Variants in FBXL17 observed in about 807,000 individuals in gnomAD.
FBXL17 encodes the protein F-box and leucine rich repeat protein 17.
FBXL17 carries 22 observed loss-of-function variants against 66.2 expected under a neutral mutation model. The ratio of observed to expected loss-of-function variants is 0.33; its 90% CI spans 0.24 to 0.47. FBXL17 has a LOEUF of 0.47. Among genes scored for constraint, FBXL17 ranks in the 20% least tolerant of loss-of-function variants. The pLI is 1.00. For synonymous variants in FBXL17, 474 were observed against 400.5 expected (o/e 1.18, Z -2.19); for missense variants, 878 against 948.2 (o/e 0.93, Z 0.97).
intron 7 of FBXL17, among the ~76,000 whole-genome samples, chr5:107,893,677 G>A (rs915848446): frequency 1.3e-5 from 2 of 152,064 alleles, no homozygotes; most frequent in Non-Finnish European, 2.9e-5. Context: ...ATGTCACCAA[G>A]TGATTTTGAT....
chr5:108,272,631 G>A (rs1757322622), intron 4 of FBXL17, among the ~76,000 whole-genome samples: 2 of 152,020 alleles, frequency 1.3e-5, no homozygotes, highest in Non-Finnish European at 2.9e-5. Flanking sequence ...TGGGATTACA[G>A]GCATAAGCTA....
At chr5:108,026,757 C>T (rs1177722413) in intron 6 of FBXL17, among the ~76,000 whole-genome samples, 5 of 152,312 alleles carry the variant, frequency 3.3e-5, no homozygotes, top group Middle Eastern at 3.4e-3. Flanking sequence ...TAAGCTCTTG[C>T]TACTTAAACA....
intron 7 of FBXL17, among the ~76,000 whole-genome samples, chr5:108,013,824 C>G (rs1462266739): frequency 1.3e-5 from 2 of 152,222 alleles, no homozygotes; most frequent in East Asian, 3.9e-4. Flanking sequence ...CAGATATTAT[C>G]TCTGCTTGAA....
intron 7 of FBXL17, among the ~76,000 whole-genome samples, chr5:107,903,895 G>A (rs1459602277): frequency 6.6e-6 from 1 of 151,962 alleles, no homozygotes; most frequent in East Asian, 1.9e-4. Flanking sequence ...CTTTTTTCTT[G>A]AGGCCATTAG....
chr5:108,202,483 G>T (rs1753937260), intron 5 of FBXL17, among the ~76,000 whole-genome samples: 1 of 152,072 alleles, frequency 6.6e-6, no homozygotes, highest in African/African-American at 2.4e-5. Context: ...TCACTAATTT[G>T]GGCAGTAATA....
In FBXL17 at chr5:107,878,896, G is replaced by C. The variant is rs115809507; in HGVS notation, c.1965+2141C>G. The C allele has an allele frequency of 8.5e-4, 838 of 985,494 alleles. 6 individuals are homozygous for C. In the African/African-American group the frequency reaches 0.014, roughly 16 times the overall value. 61.0% of individuals were successfully genotyped at this position (985,494 alleles called of 1,614,324 possible). The stretch of plus-strand genomic sequence containing the variant: ...GCACTGCAGCAGGCTCTGACCAGAC[G>C]GCGTCGTGCTGGAGCCAATGGGTTC... On this transcript the variant is annotated intron_variant, in intron 8 of 8. Transcript: ENST00000542267.
intron 6 of FBXL17, among the ~76,000 whole-genome samples, chr5:108,162,219 C>T (rs1420463593): frequency 1.3e-5 from 2 of 152,164 alleles, no homozygotes; most frequent in Non-Finnish European, 2.9e-5. Context: ...ACACCTGGGG[C>T]TGGGTGCAGT....
At chr5:108,288,337 T>C (rs1019480011) in intron 4 of FBXL17, among the ~76,000 whole-genome samples, 4 of 150,354 alleles carry the variant, frequency 2.7e-5, no homozygotes, top group African/African-American at 9.8e-5. Flanking sequence ...TACCAAAATA[T>C]GACACAGAGA....
At chr5:108,233,235 C>G (rs962390125) in intron 4 of FBXL17, among the ~76,000 whole-genome samples, 1 of 152,016 alleles carries the variant, frequency 6.6e-6, no homozygotes, top group Non-Finnish European at 1.5e-5. Flanking sequence ...GTTCTTAGCT[C>G]TGACATTTAG....
chr5:108,361,238 C>T (rs1748317854), intron 3 of FBXL17, among the ~76,000 whole-genome samples: 1 of 152,158 alleles, frequency 6.6e-6, no homozygotes, highest in South Asian at 2.1e-4. Context: ...CTCCCCACTT[C>T]CCTACGCTTC....
chr5:107,980,664 A>ATATATATATATATATATTTTTTTTT, intron 7 of FBXL17, among the ~76,000 whole-genome samples: 1 of 62,080 alleles, frequency 1.6e-5, no homozygotes, highest in African/African-American at 1.0e-4. Flanking sequence ...ATATATATAT[A>ATATATATATATATATATTTTTTTTT]TTTTTTTTTT....
At chr5:107,885,877 C>T (rs558420221) in intron 7 of FBXL17, among the ~76,000 whole-genome samples, 4 of 151,942 alleles carry the variant, frequency 2.6e-5, no homozygotes. Context: ...AGAAAAGATA[C>T]TTCTTGTAAT....
intron 4 of FBXL17, among the ~76,000 whole-genome samples, chr5:108,252,417 C>T (rs1345511775): frequency 1.3e-5 from 2 of 151,966 alleles, no homozygotes; most frequent in African/African-American, 4.8e-5. Flanking sequence ...ATTAAATCAG[C>T]AGCCTCTTTG....
chr5:108,345,522 T>C (rs12659135), intron 4 of FBXL17, among the ~76,000 whole-genome samples: 6,431 of 150,432 alleles, frequency 0.043, 755 homozygotes, highest in East Asian at 0.39. Flanking sequence ...CAAATAAAAA[T>C]GTTCTACTAT....
intron 6 of FBXL17, among the ~76,000 whole-genome samples, chr5:108,117,747 C>T (rs183796993): frequency 3.2e-4 from 48 of 152,242 alleles, no homozygotes; most frequent in African/African-American, 1.1e-3. Flanking sequence ...TAACTACACC[C>T]CCTCTCGGAA....
intron 2 of FBXL17, among the ~76,000 whole-genome samples, chr5:108,367,163 TAC>T (rs1306262926): frequency 1.3e-5 from 2 of 152,142 alleles, no homozygotes; most frequent in African/African-American, 2.4e-5. Context: ...TTGACATTTT[TAC>T]ATATTTCTAA....
chr5:108,155,860 A>G (rs1284095328), intron 6 of FBXL17, among the ~76,000 whole-genome samples: 1 of 152,290 alleles, frequency 6.6e-6, no homozygotes, highest in South Asian at 2.1e-4. Context: ...GTTATTTTCA[A>G]TTTTAATTAT....
chr5:108,094,066 T>C (rs1161901744), intron 6 of FBXL17, among the ~76,000 whole-genome samples: 5 of 152,150 alleles, frequency 3.3e-5, no homozygotes, highest in Middle Eastern at 3.2e-3. Context: ...CTCCACATAG[T>C]GTGCTCTCTG....
At position 108,173,349 on chromosome 5, in the gene FBXL17, G is replaced by A. The variant is rs371272834; in HGVS notation, c.1745+12768C>T. 2.3e-4 allele frequency among the ~76,000 whole-genome samples: 35 copies of A among 152,112 alleles called. No homozygotes were observed. In the South Asian group the frequency reaches 7.0e-3, roughly 31 times the overall value. Reference sequence around the variant, plus strand: ...ACCAGCATGGCACATGTATACATATGTAACTAACCTGCACATTGTGCACAT... The same window carrying A: ...ACCAGCATGGCACATGTATACATATATAACTAACCTGCACATTGTGCACAT... On this transcript the variant is annotated intron_variant, in intron 6 of 8. Coordinates refer to ENST00000542267, the MANE Select transcript of FBXL17 (RefSeq NM_001163315.3).
Sources: allele counts gnomAD v4.1 joint callset (sites outside exome capture counted in the v4.1 genomes callset), GRCh38; gene constraint gnomAD v4.1.1; transcripts MANE v1.5; gene names NCBI Gene and HGNC (gene_info 2026-07-23, HGNC 2026-07-21).